ARMH4: variants seen among roughly 807,000 people sequenced by gnomAD.
The protein encoded by ARMH4 is armadillo like helical domain containing 4, also known as armadillo-like helical domain-containing protein 4.
ARMH4 carries 49 observed loss-of-function variants against 61.9 expected under a neutral mutation model. The observed-to-expected ratio is 0.79, with a 90% CI of 0.63 to 1.00. The LOEUF is 1.00. ARMH4 is among the 50% of genes least tolerant of loss of function. The pLI is 0.00. For synonymous variants in ARMH4, 368 were observed against 341.5 expected (o/e 1.08, Z -0.85); for missense variants, 934 against 930.0 (o/e 1.00, Z -0.06).
At chr14:58,018,910 T>C (rs573004386) in intron 5 of ARMH4, among the ~76,000 whole-genome samples, 1 of 152,200 alleles carries the variant, frequency 6.6e-6, no homozygotes, top group African/African-American at 2.4e-5. Flanking sequence ...GGTTACTGTA[T>C]ATAAACACAG....
intron 4 of ARMH4, among the ~76,000 whole-genome samples, chr14:58,106,498 G>A (rs1324764222): frequency 6.6e-6 from 1 of 152,232 alleles, no homozygotes; most frequent in Non-Finnish European, 1.5e-5. Flanking sequence ...ACATGGCCAA[G>A]AGATGCTTAG....
At chr14:58,119,979 G>A (rs1886668352) in intron 4 of ARMH4, among the ~76,000 whole-genome samples, 1 of 122,834 alleles carries the variant, frequency 8.1e-6, no homozygotes, top group African/African-American at 3.2e-5. Context: ...ATATACAGTT[G>A]TACATCACTT....
intron 4 of ARMH4, among the ~76,000 whole-genome samples, chr14:58,121,346 G>A (rs964277170): frequency 5.3e-5 from 8 of 151,896 alleles, no homozygotes; most frequent in Non-Finnish European, 1.2e-4. Flanking sequence ...TGCCGGACTG[G>A]CAAAAAAAAG....
intron 5 of ARMH4, among the ~76,000 whole-genome samples, chr14:58,019,072 T>C: frequency 6.6e-6 from 1 of 152,142 alleles, no homozygotes. Context: ...TGAAAAAGTA[T>C]AAATCACAGA....
chr14:58,040,054 T>C (rs968107406), intron 5 of ARMH4, among the ~76,000 whole-genome samples: 14 of 151,970 alleles, frequency 9.2e-5, no homozygotes, highest in African/African-American at 3.4e-4. Context: ...GAAATGTAAA[T>C]GAACACAGAA....
intron 1 of ARMH4, 65 bp from the exon 2 acceptor site, chr14:58,139,479 T>C: frequency 1.1e-6 from 1 of 891,668 alleles, no homozygotes; most frequent in South Asian, 1.7e-5. Flanking sequence ...TCTCTTTAAA[T>C]TAAACCATAA....
chr14:58,041,284 G>A (rs920489983), intron 5 of ARMH4, among the ~76,000 whole-genome samples: 5 of 152,144 alleles, frequency 3.3e-5, no homozygotes, highest in South Asian at 2.1e-4. Flanking sequence ...CTTTTCCAAC[G>A]GTCTTAGCAA....
At chr14:58,042,415 C>A (rs371425921) in intron 5 of ARMH4, among the ~76,000 whole-genome samples, 1 of 152,104 alleles carries the variant, frequency 6.6e-6, no homozygotes, top group Non-Finnish European at 1.5e-5. Flanking sequence ...AACAAAGACA[C>A]AACATACCAG....
intron 5 of ARMH4, among the ~76,000 whole-genome samples, chr14:58,080,151 T>C (rs992646642): frequency 2.0e-5 from 3 of 151,226 alleles, no homozygotes; most frequent in Non-Finnish European, 4.4e-5. Flanking sequence ...TTTTTTGAGA[T>C]GGAGTTTCGC....
intron 2 of ARMH4, 32 bp downstream of exon 2, chr14:58,137,958 C>A: frequency 6.4e-7 from 1 of 1,563,848 alleles, no homozygotes; most frequent in Non-Finnish European, 8.6e-7. Flanking sequence ...CCAAATTAAA[C>A]CAAAGTTTGT....
intron 5 of ARMH4, among the ~76,000 whole-genome samples, chr14:58,042,878 T>C (rs1883777471): frequency 1.3e-5 from 2 of 152,112 alleles, no homozygotes; most frequent in Non-Finnish European, 2.9e-5. Flanking sequence ...ACATACACTC[T>C]CCCAAGACTA....
chr14:58,029,853 G>A (rs1165491978), intron 5 of ARMH4, among the ~76,000 whole-genome samples: 1 of 152,030 alleles, frequency 6.6e-6, no homozygotes, highest in African/African-American at 2.4e-5. Flanking sequence ...CCACTGTTAG[G>A]TATATACTCA....
At chr14:58,076,188 C>T (rs1171577109) in intron 5 of ARMH4, among the ~76,000 whole-genome samples, 1 of 152,064 alleles carries the variant, frequency 6.6e-6, no homozygotes, top group Non-Finnish European at 1.5e-5. Flanking sequence ...CATCATTAAG[C>T]AGAGTAAGTT....
At chr14:58,116,730 T>C (rs1886540477) in intron 4 of ARMH4, among the ~76,000 whole-genome samples, 1 of 152,234 alleles carries the variant, frequency 6.6e-6, no homozygotes. Flanking sequence ...TTACTTTCTC[T>C]GAATTTGAGG....
chr14:58,021,882 A>C (rs1594696344), intron 5 of ARMH4, among the ~76,000 whole-genome samples: 1 of 152,338 alleles, frequency 6.6e-6, no homozygotes, highest in East Asian at 1.9e-4. Flanking sequence ...GATTGGCCAG[A>C]AACACAGAGA....
chr14:58,125,768 G>A (rs754277897), intron 4 of ARMH4, among the ~76,000 whole-genome samples: 3 of 152,158 alleles, frequency 2.0e-5, no homozygotes, highest in Non-Finnish European at 4.4e-5. Context: ...TAGAACGGTC[G>A]TCAGCCATCC....
At chr14:58,090,739 C>T (rs1338138111) in intron 5 of ARMH4, among the ~76,000 whole-genome samples, 4 of 151,318 alleles carry the variant, frequency 2.6e-5, no homozygotes, top group Non-Finnish European at 5.9e-5. Flanking sequence ...ATTAGCTGGG[C>T]TGTGGTGGTG....
chr14:58,044,335 G>C (rs554356264), intron 5 of ARMH4, among the ~76,000 whole-genome samples: 1 of 152,108 alleles, frequency 6.6e-6, no homozygotes, highest in Non-Finnish European at 1.5e-5. Context: ...CCTGATCTTT[G>C]ACAAACCTGA....
At chr14:58,049,867 C>T (rs564195735) in intron 5 of ARMH4, among the ~76,000 whole-genome samples, 24 of 152,286 alleles carry the variant, frequency 1.6e-4, no homozygotes, top group South Asian at 4.1e-4. Flanking sequence ...TCTCACAACC[C>T]GGGCACCTCC....
Sources: allele counts gnomAD v4.1 joint callset (sites outside exome capture counted in the v4.1 genomes callset), GRCh38; gene constraint gnomAD v4.1.1; transcripts MANE v1.5; gene names NCBI Gene and HGNC (gene_info 2026-07-23, HGNC 2026-07-21).